Variants in TENM4 observed in about 807,000 individuals in gnomAD.
TENM4 encodes the protein teneurin-4.
In TENM4, 82 loss-of-function variants were observed where a neutral mutation model predicts 243.3. The ratio of observed to expected loss-of-function variants is 0.34; its 90% confidence interval spans 0.28 to 0.40. The LOEUF (loss-of-function observed/expected upper bound fraction) is 0.40. TENM4 is among the 10% of genes least tolerant of loss of function. The pLI, the probability that TENM4 is intolerant of heterozygous loss-of-function variation, is 1.00. For missense variants in TENM4, 3,138 were observed against 3,673.3 expected (o/e 0.85, Z 3.77); for synonymous variants, 1,412 against 1,456.3 (o/e 0.97, Z 0.69).
At chr11:79,000,407 G>A (rs1008516559) in intron 6 of TENM4, among the ~76,000 whole-genome samples, 5 of 151,828 alleles carry the variant, frequency 3.3e-5, no homozygotes, top group African/African-American at 1.2e-4. Flanking sequence ...ATATAAGATT[G>A]AGTGAAACAA....
intron 3 of TENM4, among the ~76,000 whole-genome samples, chr11:79,174,321 T>A (rs1337880150): frequency 6.6e-6 from 1 of 151,972 alleles, no homozygotes; most frequent in East Asian, 1.9e-4. Context: ...GACTCATACC[T>A]CCCTATGTCT....
chr11:78,827,617 G>C (rs1398518879), intron 12 of TENM4, among the ~76,000 whole-genome samples: 5 of 152,002 alleles, frequency 3.3e-5, no homozygotes, highest in African/African-American at 1.2e-4. Context: ...AGCCTTCTGA[G>C]CAGCTGGGAA....
intron 6 of TENM4, among the ~76,000 whole-genome samples, chr11:79,041,242 T>G (rs942021949): frequency 1.3e-5 from 2 of 152,146 alleles, no homozygotes; most frequent in African/African-American, 2.4e-5. Flanking sequence ...TTTTGTATTT[T>G]TAGTAGAGAT....
chr11:79,020,186 A>G (rs1858890401), intron 6 of TENM4, among the ~76,000 whole-genome samples: 1 of 152,192 alleles, frequency 6.6e-6, no homozygotes, highest in Non-Finnish European at 1.5e-5. Context: ...TTACTGATCC[A>G]GAGAAATCAA....
In TENM4 at chr11:78,805,277, T is replaced by TGCCCCCCCCCCCCCCCCCC; in HGVS notation, c.2179+14_2179+15insGGGGGGGGGGGGGGGGGGC. 3.9e-5 allele frequency: 55 copies of TGCCCCCCCCCCCCCCCCCC among 1,402,522 alleles called. No homozygotes were observed. Among genetic ancestry groups the TGCCCCCCCCCCCCCCCCCC allele is most frequent in the East Asian group, 6.2e-5 (2 of 32,218 alleles). 86.9% of individuals were successfully genotyped at this position (1,402,522 alleles called of 1,614,324 possible). ...CCCCTCCCTCTACCCATGCTTCTTC[T>TGCCCCCCCCCCCCCCCCCC]CCCCCTGCATTTACCGATAGAACAG... On this transcript the variant is annotated intron_variant, in intron 15 of 33. Coordinates refer to ENST00000278550, the MANE Select transcript of TENM4 (RefSeq NM_001098816.3).
intron 2 of TENM4, among the ~76,000 whole-genome samples, chr11:79,247,000 A>C (rs201347700): frequency 1.6e-4 from 23 of 141,524 alleles, no homozygotes; most frequent in African/African-American, 4.7e-4. Flanking sequence ...AAAAAAAAAC[A>C]CCCCCCCACC....
intron 33 of TENM4, among the ~76,000 whole-genome samples, chr11:78,660,468 T>C (rs557720085): frequency 2.7e-4 from 41 of 152,138 alleles, no homozygotes; most frequent in Admixed American, 7.8e-4. Flanking sequence ...AAGTACAGTG[T>C]GGGAAGTGCC....
intron 6 of TENM4, among the ~76,000 whole-genome samples, chr11:79,050,056 C>T (rs2136933919): frequency 6.6e-6 from 1 of 152,302 alleles, no homozygotes; most frequent in Admixed American, 6.5e-5. Flanking sequence ...ACCCAGGCTC[C>T]AAGGCCAAAG....
chr11:78,697,656 C>T (rs77730051), intron 28 of TENM4, among the ~76,000 whole-genome samples: 1,681 of 152,194 alleles, frequency 0.011, 30 homozygotes, highest in African/African-American at 0.036. Context: ...ATCTGTCAGC[C>T]GACTAGTTGG....
intron 2 of TENM4, among the ~76,000 whole-genome samples, chr11:79,222,063 T>C (rs1408465484): frequency 1.3e-5 from 2 of 152,238 alleles, no homozygotes; most frequent in East Asian, 3.9e-4. Flanking sequence ...GGCAAACTCA[T>C]GAATCCTTCA....
chr11:79,361,601 T>A (rs180695091), intron 1 of TENM4, among the ~76,000 whole-genome samples: 83 of 152,338 alleles, frequency 5.4e-4, no homozygotes, highest in Middle Eastern at 3.4e-3. Flanking sequence ...TTCATTGAAC[T>A]CTTCAGTCAC....
chr11:78,961,040 C>T (rs1857310050), intron 6 of TENM4, among the ~76,000 whole-genome samples: 1 of 152,232 alleles, frequency 6.6e-6, no homozygotes, highest in Non-Finnish European at 1.5e-5. Flanking sequence ...ATCTAATGTC[C>T]CACAGCAATA....
intron 12 of TENM4, among the ~76,000 whole-genome samples, chr11:78,841,460 G>C (rs1461813446): frequency 6.6e-6 from 1 of 152,168 alleles, no homozygotes; most frequent in Non-Finnish European, 1.5e-5. Context: ...CTGACCCTGA[G>C]ATCAGTGTGA....
chr11:78,804,471 T>C (rs1478364207), intron 15 of TENM4, among the ~76,000 whole-genome samples: 1 of 152,180 alleles, frequency 6.6e-6, no homozygotes, highest in African/African-American at 2.4e-5. Context: ...GCAGATTAAA[T>C]GAGAGATGAG....
chr11:78,834,334 A>G (rs538994292), intron 12 of TENM4, among the ~76,000 whole-genome samples: 1 of 151,852 alleles, frequency 6.6e-6, no homozygotes, highest in South Asian at 2.1e-4. Flanking sequence ...CTCTTCTCCT[A>G]TATTATTTTG....
chr11:79,393,014 T>C (rs519985), intron 1 of TENM4, among the ~76,000 whole-genome samples: 69,127 of 151,886 alleles, frequency 0.46, 15,642 homozygotes, highest in African/African-American at 0.48. Flanking sequence ...TAGTGTCATT[T>C]CCCAAACCCC....
In TENM4 at chr11:79,146,627, C is replaced by CTTGT. The variant is rs1862399821; in HGVS notation, c.-66+2082_-66+2083insACAA. On this transcript the variant is annotated intron_variant, in intron 4 of 33. Transcript: ENST00000278550. ...CCTTTTATCTAACGAGTTAACACAA[C>CTTGT]ATTCCCTAAACTCTGAGAAAAACAA... Among the ~76,000 whole-genome samples the CTTGT allele has an allele frequency of 2.0e-5, 3 of 152,052 alleles. No homozygotes were observed. The South Asian group carries it at 6.2e-4, about 32-fold the overall frequency.
At chr11:79,409,145 T>G (rs1383800013) in intron 1 of TENM4, among the ~76,000 whole-genome samples, 1 of 146,126 alleles carries the variant, frequency 6.8e-6, no homozygotes, top group Non-Finnish European at 1.5e-5. Flanking sequence ...TGCGTGAGAG[T>G]TAGTGGTTTT....
chr11:78,823,919 A>G (rs577788935), intron 12 of TENM4, among the ~76,000 whole-genome samples: 9 of 152,268 alleles, frequency 5.9e-5, no homozygotes, highest in African/African-American at 1.9e-4. Flanking sequence ...ATTTCCACAT[A>G]CAGTTTTATT....
Sources: gnomAD v4.1 joint callset for allele counts (sites outside exome capture counted in the v4.1 genomes callset) on GRCh38, gnomAD v4.1.1 for gene constraint, MANE v1.5 for transcripts, NCBI Gene and HGNC (gene_info 2026-07-23, HGNC 2026-07-21) for gene names.